The following MX2 variants were observed in gnomAD, a reference collection of about 807,000 sequenced individuals.
The protein encoded by MX2 is interferon-induced GTP-binding protein Mx2.
MX2 carries 51 observed loss-of-function variants against 74.0 expected under a neutral mutation model. The observed-to-expected ratio is 0.69, with a 90% CI of 0.55 to 0.87. The LOEUF is 0.87. Ranked by LOEUF, MX2 falls within the 40% of genes least tolerant of loss-of-function variation. MX2 has a pLI of 0.00. For synonymous variants in MX2, 369 were observed against 339.3 expected (o/e 1.09, Z -0.96); for missense variants, 832 against 908.7 (o/e 0.92, Z 1.09).
chr21:41,378,502 T>C (rs922290649), intron 3 of MX2, among the ~76,000 whole-genome samples: 1 of 152,230 alleles, frequency 6.6e-6, no homozygotes. Flanking sequence ...CTTTGATAAG[T>C]TGATAAGTTT....
chr21:41,376,339 G>T (rs1261925909), intron 1 of MX2, among the ~76,000 whole-genome samples: 3 of 152,140 alleles, frequency 2.0e-5, no homozygotes, highest in African/African-American at 7.2e-5. Context: ...TTTGAGACCA[G>T]CCTGAGCAAC....
chr21:41,382,557 G>A lies in MX2; in HGVS notation c.725G>A (p.Gly242Glu), dbSNP rs763204961. The A allele has an allele frequency of 6.2e-7, 1 of 1,614,172 alleles. No homozygotes were observed. The highest frequency in any genetic ancestry group is 2.2e-5 in the East Asian group (1 of 44,888). The change falls in exon 5 of 14, where the codon GGA (glycine) becomes GAA (glutamate). Residue 242 changes from glycine (G) to glutamate (E), a missense_variant. Physicochemically the swap from Gly to Glu is moderately conservative, Grantham distance 98 (BLOSUM62 -2). Coordinates refer to ENST00000330714, the MANE Select transcript of MX2 (RefSeq NM_002463.2). ...GTGGACAACCAGCCCCGAGACATCG[G>A]ACTGCAGGTGAGCCCTTCTGGAATT... ...VAVDNQPRDI[G>E]LQIKALIKKY...
chr21:41,407,912 G>C (rs1357492249), intron 13 of MX2, 79 bp from the exon 14 acceptor site: 1 of 1,570,396 alleles, frequency 6.4e-7, no homozygotes, highest in African/African-American at 1.4e-5. Flanking sequence ...GCGCATCCAG[G>C]AACTCCATGC....
Position 41,408,290 on chromosome 21 carries a change from T to G in MX2, c.*57T>G. On this transcript the variant is annotated 3_prime_UTR_variant, in exon 14 of 14. Transcript: ENST00000330714. The stretch of plus-strand genomic sequence containing the variant: ...GCGTACTCATTCATTCTAAGGGGAG[T>G]CGGTGCAGGATGCCGCTTCTGCTTT... 6.3e-7 allele frequency: 1 copy of G among 1,592,602 alleles called. No homozygotes were observed.
At chr21:41,387,976 C>T (rs1292286482) in intron 5 of MX2, among the ~76,000 whole-genome samples, 1 of 152,158 alleles carries the variant, frequency 6.6e-6, no homozygotes, top group African/African-American at 2.4e-5. Flanking sequence ...ACCTACAAAG[C>T]CTGCTGGCTC....
intron 10 of MX2, 180 bp downstream of exon 10, chr21:41,399,517 G>C: frequency 1.7e-6 from 1 of 600,414 alleles, no homozygotes; most frequent in South Asian, 2.2e-5. Flanking sequence ...ATCGACCTCA[G>C]CAACTCAACA....
intron 1 of MX2, among the ~76,000 whole-genome samples, chr21:41,367,558 T>C (rs913093927): frequency 2.6e-5 from 4 of 152,170 alleles, no homozygotes; most frequent in Admixed American, 6.5e-5. Flanking sequence ...CCCTTTTTTT[T>C]CTCAGTCAGA....
At chr21:41,400,125 C>T (rs1424230846) in intron 10 of MX2, among the ~76,000 whole-genome samples, 1 of 152,174 alleles carries the variant, frequency 6.6e-6, no homozygotes, top group Non-Finnish European at 1.5e-5. Flanking sequence ...AGCAGCTAAA[C>T]ATCAGCTTGG....
intron 5 of MX2, among the ~76,000 whole-genome samples, chr21:41,385,010 G>A (rs969383904): frequency 6.6e-6 from 1 of 152,190 alleles, no homozygotes; most frequent in African/African-American, 2.4e-5. Flanking sequence ...CTGTTAACAT[G>A]GAGTATATAA....
rs1464231860 is a variant in MX2 at position 41,366,741 on chromosome 21, C to T, written c.-72+4686C>T. ...TGTTGTGCGTGGAGTCCCTTGTTTT[C>T]CTCTATCTTATCAGGAACCAGTTCT... On this transcript the variant is annotated intron_variant, in intron 1 of 13. Coordinates refer to ENST00000330714, the MANE Select transcript of MX2 (RefSeq NM_002463.2). This position sits in a 1 kb window ranked among gnomAD's most constrained non-coding sequence, Gnocchi z 4.5. 6.6e-6 allele frequency: 1 copy of T among 152,240 alleles called. No homozygotes were observed. Among genetic ancestry groups the T allele is most frequent in the Non-Finnish European group, 1.5e-5 (1 of 68,132 alleles). The allele number at this position is 152,240 out of a possible 1,614,324, so 9.4% of individuals were successfully genotyped here. A position where few individuals can be genotyped will look rare whatever the true frequency, so the allele number is the denominator to read the frequency against.
chr21:41,407,385 A>G (rs939410921), intron 13 of MX2, among the ~76,000 whole-genome samples: 2 of 152,226 alleles, frequency 1.3e-5, no homozygotes, highest in South Asian at 2.1e-4. Context: ...AGAAGGCACT[A>G]ACATGCCACA....
chr21:41,369,318 T>A (rs1294103642), intron 1 of MX2, among the ~76,000 whole-genome samples: 1 of 151,976 alleles, frequency 6.6e-6, no homozygotes, highest in Non-Finnish European at 1.5e-5. Flanking sequence ...GGACCCCAGG[T>A]GGGGCTGCTG....
At chr21:41,362,754 T>TTC (rs1367756259) in intron 1 of MX2, among the ~76,000 whole-genome samples, 12 of 66,696 alleles carry the variant, frequency 1.8e-4, no homozygotes, top group East Asian at 1.0e-3. Flanking sequence ...TTTTTTCTTT[T>TTC]TTTTTTTTTT....
chr21:41,385,138 C>T (rs2089553294), intron 5 of MX2, among the ~76,000 whole-genome samples: 1 of 152,186 alleles, frequency 6.6e-6, no homozygotes. Context: ...AAGAATTTTT[C>T]CTTTGTATTC....
rs138918447 is a variant in MX2, at chr21:41,407,887, G to A, written c.1906-104G>A. ...AGGTGGGCGAGACCACCAGGGCTTC[G>A]CCAGGCAACCATGTGCGCATCCAGG... On this transcript the variant is annotated intron_variant, in intron 13 of 13. Transcript: ENST00000330714. The A allele has an allele frequency of 1.0e-3, 1,500 of 1,487,734 alleles. 13 individuals carry two copies. The African/African-American group carries it at 0.019, about 19-fold the overall frequency. The allele number at this position is 1,487,734 out of a possible 1,614,324, so 92.2% of individuals were successfully genotyped here.
At chr21:41,392,536 A>G (rs748762374) in intron 6 of MX2, among the ~76,000 whole-genome samples, 4 of 152,198 alleles carry the variant, frequency 2.6e-5, no homozygotes, top group East Asian at 3.8e-4. Flanking sequence ...TTGTTGTTCA[A>G]TGGGTGAAGA....
At chr21:41,394,385 C>A (rs973870418) in intron 6 of MX2, among the ~76,000 whole-genome samples, 1 of 152,142 alleles carries the variant, frequency 6.6e-6, no homozygotes, top group Admixed American at 6.5e-5. Context: ...TAGGCTGACT[C>A]CTCCCTTCCT....
intron 6 of MX2, among the ~76,000 whole-genome samples, chr21:41,393,052 C>G (rs954366683): frequency 7.3e-6 from 1 of 137,108 alleles, no homozygotes; most frequent in Non-Finnish European, 1.5e-5. Context: ...TGCAGTGAGC[C>G]GAGATTGCAC....
intron 1 of MX2, among the ~76,000 whole-genome samples, chr21:41,374,486 C>T (rs377619424): frequency 1.3e-4 from 20 of 152,322 alleles, no homozygotes; most frequent in Admixed American, 5.9e-4. Flanking sequence ...GGGAAGGCCC[C>T]GACAGCAGAC....
Sources: allele counts gnomAD v4.1 joint callset (sites outside exome capture counted in the v4.1 genomes callset), GRCh38; gene constraint gnomAD v4.1.1; non-coding constraint Gnocchi (gnomAD v3.1); transcripts MANE v1.5; gene names NCBI Gene and HGNC (gene_info 2026-07-23, HGNC 2026-07-21).